The following DLG1 variants were observed in gnomAD, a reference collection of about 807,000 sequenced individuals.
DLG1 encodes the protein disks large homolog 1.
A neutral mutation model predicts 123.4 loss-of-function variants in DLG1; 42 were observed. The ratio of observed to expected loss-of-function variants is 0.34; its 90% CI spans 0.27 to 0.44. The LOEUF is 0.44. Among genes scored for constraint, DLG1 ranks in the 20% least tolerant of loss-of-function variants. The probability of loss-of-function intolerance (pLI) is 1.00; values close to 1 mark genes in which losing one functional copy is unlikely to be tolerated. For missense variants in DLG1, 942 were observed against 1,082.6 expected (o/e 0.87, Z 1.82); for synonymous variants, 317 against 356.2 (o/e 0.89, Z 1.24).
intron 3 of DLG1, among the ~76,000 whole-genome samples, chr3:197,291,709 G>A (rs1480538591): frequency 3.3e-5 from 5 of 152,170 alleles, no homozygotes; most frequent in Non-Finnish European, 5.9e-5. Flanking sequence ...TTCTGGCTCC[G>A]CAATTTAGCA....
chr3:197,152,786 A>T (rs2149789717), intron 5 of DLG1, among the ~76,000 whole-genome samples: 1 of 143,402 alleles, frequency 7.0e-6, no homozygotes, highest in South Asian at 2.2e-4. Context: ...AAAAAAAAAA[A>T]GTCAAGTTTA....
intron 4 of DLG1, among the ~76,000 whole-genome samples, chr3:197,278,266 G>A (rs1283683684): frequency 8.7e-6 from 1 of 114,590 alleles, no homozygotes; most frequent in Non-Finnish European, 1.7e-5. Flanking sequence ...CTCGGTGGGA[G>A]AGCAAGACTC....
chr3:197,082,018 C>T (rs1366823847), intron 16 of DLG1, among the ~76,000 whole-genome samples: 1 of 151,992 alleles, frequency 6.6e-6, no homozygotes. Context: ...TTATTTTTTC[C>T]TTATTATCTA....
intron 4 of DLG1, among the ~76,000 whole-genome samples, chr3:197,195,205 C>CA (rs1208912431): frequency 1.3e-5 from 2 of 150,922 alleles, no homozygotes; most frequent in Non-Finnish European, 2.9e-5. Context: ...TAAACCTACT[C>CA]ATAAAGAAAA....
At chr3:197,208,197 C>T (rs1308379125) in intron 4 of DLG1, among the ~76,000 whole-genome samples, 1 of 146,322 alleles carries the variant, frequency 6.8e-6, no homozygotes, top group Non-Finnish European at 1.5e-5. Context: ...ATTAAAGCTA[C>T]GCTGATATAC....
intron 1 of DLG1, chr3:197,298,125 G>GC (rs1365616565): frequency 4.9e-6 from 1 of 205,588 alleles, no homozygotes; most frequent in Non-Finnish European, 8.9e-6. Context: ...CAAGATGGCG[G>GC]CCCCCGAGCT....
chr3:197,118,589 C>CT (rs1206155238), intron 12 of DLG1, among the ~76,000 whole-genome samples: 2 of 152,118 alleles, frequency 1.3e-5, no homozygotes, highest in East Asian at 3.8e-4. Context: ...ACAGACATTA[C>CT]TTAGTACACA....
chr3:197,111,395 G>A (rs184145617), intron 13 of DLG1, among the ~76,000 whole-genome samples: 1 of 152,152 alleles, frequency 6.6e-6, no homozygotes, highest in South Asian at 2.1e-4. Context: ...CTGAACTCTA[G>A]GCTAAACGAA....
chr3:197,049,666 C>T (rs1051171945), intron 24 of DLG1, among the ~76,000 whole-genome samples: 4 of 134,156 alleles, frequency 3.0e-5, no homozygotes, highest in South Asian at 2.3e-4. Flanking sequence ...GCAGGAGAAT[C>T]GCTTGAACCC....
Position 197,298,547 on chromosome 3 carries a change from T to G in DLG1, c.-43A>C. The G allele has an allele frequency of 5.0e-6, 2 of 398,510 alleles. No homozygotes were observed. The highest frequency in any genetic ancestry group is 8.8e-6 in the Non-Finnish European group (2 of 226,090). 24.7% of individuals were successfully genotyped at this position (398,510 alleles called of 1,614,324 possible). A position where few individuals can be genotyped will look rare whatever the true frequency, so the allele number is the denominator to read the frequency against. On this transcript the variant is annotated 5_prime_UTR_variant, in exon 1 of 25. Transcript: ENST00000667157. ...CAAGGCGCACATACCGAGACACCCC[T>G]CAACCTCACTCAGCAGTGCCGTTTC... is the stretch of plus-strand genomic sequence containing the variant.
In DLG1 at chr3:197,042,846, A is replaced by G. The variant is rs533470615; in HGVS notation, c.*1777T>C. 6 of 152,302 alleles carry G rather than the reference A, an allele frequency of 3.9e-5. No individual in the cohort carries two copies. The highest frequency in any genetic ancestry group is 1.4e-4 in the African/African-American group (6 of 41,562). The allele number at this position is 152,302 out of a possible 1,614,324, so 9.4% of individuals were successfully genotyped here. On this transcript the variant is annotated 3_prime_UTR_variant, in exon 25 of 25. Coordinates refer to ENST00000667157, the MANE Select transcript of DLG1 (RefSeq NM_001366207.1). ...GCTCTTGGATTCGGTTATAAGTTACATGATGCCTCAAATTGTTTCAAGAAA... is the reference window on the plus strand; with the variant it reads ...GCTCTTGGATTCGGTTATAAGTTACGTGATGCCTCAAATTGTTTCAAGAAA...
intron 5 of DLG1, among the ~76,000 whole-genome samples, chr3:197,192,716 G>A (rs1225809129): frequency 6.6e-6 from 1 of 152,052 alleles, no homozygotes; most frequent in African/African-American, 2.4e-5. Flanking sequence ...ATGTCTTTAT[G>A]TATGTGTATG....
At chr3:197,250,466 G>A (rs1437483437) in intron 4 of DLG1, among the ~76,000 whole-genome samples, 2 of 151,958 alleles carry the variant, frequency 1.3e-5, no homozygotes, top group Non-Finnish European at 2.9e-5. Flanking sequence ...CTACTCAGGA[G>A]GCTGAGGCAG....
intron 13 of DLG1, among the ~76,000 whole-genome samples, chr3:197,108,835 T>C (rs1054147295): frequency 5.3e-5 from 8 of 152,216 alleles, no homozygotes; most frequent in African/African-American, 1.9e-4. Flanking sequence ...TTTGGCCTTT[T>C]AACTGGAGTG....
At chr3:197,197,193 T>A (rs542607562) in intron 4 of DLG1, among the ~76,000 whole-genome samples, 7 of 152,322 alleles carry the variant, frequency 4.6e-5, no homozygotes, top group African/African-American at 1.4e-4. Context: ...CTTCCGTATT[T>A]CCTGTAAATT....
intron 4 of DLG1, among the ~76,000 whole-genome samples, chr3:197,224,812 C>T (rs982990569): frequency 4.6e-5 from 7 of 152,142 alleles, no homozygotes; most frequent in Non-Finnish European, 8.8e-5. Context: ...CTCTTCACAT[C>T]AGCAATTGAA....
At chr3:197,141,486 G>A (rs1052918219) in intron 7 of DLG1, among the ~76,000 whole-genome samples, 1 of 152,142 alleles carries the variant, frequency 6.6e-6, no homozygotes, top group Non-Finnish European at 1.5e-5. Context: ...TTGAGCAAGT[G>A]ATCCGAATTT....
In DLG1 at chr3:197,275,512, G is replaced by A. The variant is rs75165104; in HGVS notation, c.318+7167C>T. Among the ~76,000 whole-genome samples the A allele has an allele frequency of 2.0e-3, 299 of 152,220 alleles. 6 individuals carry two copies. In the South Asian group the frequency reaches 0.034, roughly 17 times the overall value. The stretch of plus-strand genomic sequence containing the variant: ...TTAGCCTAAGTGTCCCTCAACAGAC[G>A]AATAGATAAATAAAATGTAGCATAT... On this transcript the variant is annotated intron_variant, in intron 4 of 24. Coordinates refer to ENST00000667157, the MANE Select transcript of DLG1 (RefSeq NM_001366207.1).
At chr3:197,139,013 T>C (rs1343418450) in intron 8 of DLG1, among the ~76,000 whole-genome samples, 1 of 152,212 alleles carries the variant, frequency 6.6e-6, no homozygotes, top group Non-Finnish European at 1.5e-5. Context: ...ATATTAGACA[T>C]AAAACAATTA....
Sources: gnomAD v4.1 joint callset for allele counts (sites outside exome capture counted in the v4.1 genomes callset) on GRCh38, gnomAD v4.1.1 for gene constraint, MANE v1.5 for transcripts, NCBI Gene and HGNC (gene_info 2026-07-23, HGNC 2026-07-21) for gene names.